Variants in RHEB observed in about 807,000 individuals in gnomAD.
RHEB encodes Ras homolog, mTORC1 binding.
A neutral mutation model predicts 28.8 loss-of-function variants in RHEB; 2 were observed. The observed-to-expected ratio is 0.07, with a 90% CI of 0.03 to 0.22. RHEB has a LOEUF of 0.22. Ranked by LOEUF, RHEB falls within the 10% of genes least tolerant of loss-of-function variation. The probability of loss-of-function intolerance (pLI) is 1.00; values close to 1 mark genes in which losing one functional copy is unlikely to be tolerated. For synonymous variants in RHEB, 69 were observed against 77.3 expected (o/e 0.89, Z 0.56); for missense variants, 76 against 219.9 (o/e 0.35, Z 4.14).
intron 3 of RHEB, among the ~76,000 whole-genome samples, chr7:151,478,108 C>T (rs1188478036): frequency 2.0e-5 from 3 of 152,132 alleles, no homozygotes; most frequent in Non-Finnish European, 2.9e-5. Context: ...TATAAAGCAG[C>T]GTTATGACAC....
intron 3 of RHEB, 69 bp from the exon 4 acceptor site, chr7:151,477,484 T>TG: frequency 2.4e-6 from 2 of 839,506 alleles, no homozygotes; most frequent in Non-Finnish European, 3.9e-6. Flanking sequence ...ACCCAAAGTT[T>TG]TTCATGTATT....
chr7:151,500,223 A>C (rs1802749746), intron 1 of RHEB, among the ~76,000 whole-genome samples: 1 of 152,236 alleles, frequency 6.6e-6, no homozygotes. Flanking sequence ...GACTCTGAAA[A>C]ATGGACTAGA....
intron 1 of RHEB, among the ~76,000 whole-genome samples, chr7:151,508,748 C>A (rs1802932215): frequency 6.6e-6 from 1 of 151,712 alleles, no homozygotes; most frequent in Admixed American, 6.6e-5. Context: ...ACCTTGGGTC[C>A]CAAAGTGCTG....
At chr7:151,493,041 C>G (rs1279333704) in intron 1 of RHEB, among the ~76,000 whole-genome samples, 9 of 151,970 alleles carry the variant, frequency 5.9e-5, no homozygotes. Flanking sequence ...CAGGGTTTCA[C>G]CACATTGGTC....
At chr7:151,495,720 G>A (rs1332706301) in intron 1 of RHEB, among the ~76,000 whole-genome samples, 1 of 152,200 alleles carries the variant, frequency 6.6e-6, no homozygotes, top group Non-Finnish European at 1.5e-5. Flanking sequence ...GGAGGCTGAG[G>A]CCGGTGGATT....
At chr7:151,494,198 G>A (rs1802635550) in intron 1 of RHEB, among the ~76,000 whole-genome samples, 1 of 152,198 alleles carries the variant, frequency 6.6e-6, no homozygotes, top group Non-Finnish European at 1.5e-5. Flanking sequence ...AGTAGAACTG[G>A]ACTAAAAATA....
At chr7:151,474,873 C>T (rs1026035976) in intron 4 of RHEB, among the ~76,000 whole-genome samples, 8 of 152,160 alleles carry the variant, frequency 5.3e-5, no homozygotes, top group Admixed American at 3.9e-4. Flanking sequence ...GTTTTACTGA[C>T]ATATTTCTTG....
intron 1 of RHEB, among the ~76,000 whole-genome samples, chr7:151,508,277 TC>T (rs1478834286): frequency 2.6e-5 from 4 of 152,324 alleles, no homozygotes; most frequent in Non-Finnish European, 5.9e-5. Flanking sequence ...AGTATACTCA[TC>T]CGTCAGCCTG....
intron 1 of RHEB, chr7:151,502,749 A>G (rs1802795230): frequency 1.3e-6 from 2 of 1,540,140 alleles, no homozygotes; most frequent in Non-Finnish European, 1.8e-6. Flanking sequence ...CCGTTTAAAA[A>G]TGGAAAAGCG....
intron 1 of RHEB, among the ~76,000 whole-genome samples, chr7:151,496,732 T>A (rs2150932139): frequency 6.6e-6 from 1 of 152,290 alleles, no homozygotes; most frequent in African/African-American, 2.4e-5. Flanking sequence ...GTCTCCAATT[T>A]CCCTTCTGTA....
rs1584854346 is a variant in RHEB, at chr7:151,484,901, A to G, written c.125-97T>C. The G allele has an allele frequency of 4.0e-6, 3 of 752,364 alleles. No homozygotes were observed. In the East Asian group the frequency reaches 8.0e-5, roughly 20 times the overall value. The allele number at this position is 752,364 out of a possible 1,614,324, so 46.6% of individuals were successfully genotyped here. On this transcript the variant is annotated intron_variant, in intron 2 of 7. Coordinates refer to ENST00000262187, the MANE Select transcript of RHEB (RefSeq NM_005614.4). ...ACAACCAATCAAGCACAGAGTCCCT[A>G]GCAGTCTCAGAGAAAGGCCCCATGA...
rs1176268718 is a variant in RHEB, at chr7:151,468,169, C to T, written c.463-958G>A. Among the ~76,000 whole-genome samples, 1 of 152,204 alleles carries T rather than the reference C, an allele frequency of 6.6e-6. No individual in the cohort carries two copies. Among genetic ancestry groups the T allele is most frequent in the Non-Finnish European group, 1.5e-5 (1 of 68,038 alleles). ...TCCACTATCCCACGAAACCAGAACA[C>T]ACCAACTGCCAGCGTCCCACCACAC... On this transcript the variant is annotated intron_variant, in intron 7 of 7. Transcript: ENST00000262187. The surrounding 1 kb of genome is among the most constrained non-coding windows in gnomAD (Gnocchi z 4.3).
At chr7:151,474,509 C>T (rs1012985103) in intron 4 of RHEB, among the ~76,000 whole-genome samples, 17 of 150,616 alleles carry the variant, frequency 1.1e-4, no homozygotes, top group African/African-American at 2.4e-4. Context: ...GTAAGTAACC[C>T]GGCTGCCTCA....
chr7:151,480,434 C>A (rs1244046396), intron 3 of RHEB, among the ~76,000 whole-genome samples: 4 of 148,958 alleles, frequency 2.7e-5, no homozygotes, highest in Non-Finnish European at 1.5e-5. Flanking sequence ...ACTATATTTG[C>A]ATATTCATGT....
At chr7:151,519,415 A>C (rs1215443014) in intron 1 of RHEB, 45 bp downstream of exon 1, 8 of 1,341,096 alleles carry the variant, frequency 6.0e-6, no homozygotes, top group South Asian at 3.5e-5. Flanking sequence ...CTCCCAGGCG[A>C]GGCCCCGGCG....
In RHEB at chr7:151,511,464, CCTG is replaced by C. The variant is rs545429977; in HGVS notation, c.52+7993_52+7995del. 4.6e-3 allele frequency among the ~76,000 whole-genome samples: 708 copies of C among 152,274 alleles called. 3 individuals are homozygous for C. The highest frequency in any genetic ancestry group is 7.9e-3 in the South Asian group (38 of 4,826). On this transcript the variant is annotated intron_variant, in intron 1 of 7. Transcript: ENST00000262187. ...AATTCTATCACTATCTTTAAACTGC[CCTG>C]CTTTCTTAACTTGCCCATAAGAGCA...
chr7:151,500,710 G>C (rs1015716506), intron 1 of RHEB, among the ~76,000 whole-genome samples: 3 of 152,138 alleles, frequency 2.0e-5, no homozygotes, highest in African/African-American at 7.2e-5. Flanking sequence ...ACAGAAGAGA[G>C]AGAAGCTTGG....
intron 2 of RHEB, 86 bp from the exon 3 acceptor site, chr7:151,484,890 A>C: frequency 1.2e-6 from 1 of 852,688 alleles, no homozygotes; most frequent in Non-Finnish European, 1.9e-6. Context: ...CCAATCAAGC[A>C]CAGAGTCCCT....
intron 1 of RHEB, chr7:151,498,173 T>C (rs1802706648): frequency 7.8e-7 from 1 of 1,289,478 alleles, no homozygotes; most frequent in African/African-American, 1.5e-5. Flanking sequence ...GGTCCTGGCT[T>C]GAGGAACCTT....
Sources: gnomAD v4.1 joint callset for allele counts (sites outside exome capture counted in the v4.1 genomes callset) on GRCh38, gnomAD v4.1.1 for gene constraint, Gnocchi (gnomAD v3.1) non-coding constraint, MANE v1.5 for transcripts, NCBI Gene and HGNC (gene_info 2026-07-23, HGNC 2026-07-21) for gene names.